Variants in TBXAS1 observed in about 807,000 individuals in gnomAD.
The protein encoded by TBXAS1 is thromboxane A synthase 1.
TBXAS1 carries 48 observed loss-of-function variants against 60.7 expected under a neutral mutation model. The observed-to-expected ratio is 0.79, with a 90% CI of 0.63 to 1.01. The LOEUF is 1.01. Ranked by LOEUF, TBXAS1 falls within the 50% of genes least tolerant of loss-of-function variation. The pLI is 0.00. For synonymous variants in TBXAS1, 287 were observed against 269.7 expected (o/e 1.06, Z -0.63); for missense variants, 685 against 686.3 (o/e 1.00, Z 0.02).
chr7:139,875,746 G>A, intron 3 of TBXAS1, 109 bp downstream of exon 3: 1 of 1,360,152 alleles, frequency 7.4e-7, no homozygotes, highest in African/African-American at 1.4e-5. Flanking sequence ...GATTAGGAAT[G>A]TTGTATGTGT....
At chr7:139,898,858 G>A (rs1031970280) in intron 3 of TBXAS1, among the ~76,000 whole-genome samples, 10 of 152,042 alleles carry the variant, frequency 6.6e-5, no homozygotes, top group Non-Finnish European at 7.4e-5. Context: ...CAAGAAGGTT[G>A]ATTTGCTCAA....
Position 140,005,705 on chromosome 7 carries a change from A to G in TBXAS1, c.1135-1386A>G, listed in dbSNP as rs80062690. ...TGCCACCCTGGCCCTCTAAATTCATAAACAGTCACAGACATGGGATTAAAC... is the reference window on the plus strand; with the variant it reads ...TGCCACCCTGGCCCTCTAAATTCATGAACAGTCACAGACATGGGATTAAAC... On this transcript the variant is annotated intron_variant, in intron 9 of 12. Coordinates refer to ENST00000448866, the MANE Select transcript of TBXAS1 (RefSeq NM_001061.7). Among the ~76,000 whole-genome samples the G allele has an allele frequency of 9.6e-4, 146 of 152,358 alleles. 2 individuals are homozygous for G. In the East Asian group the frequency reaches 0.025, roughly 26 times the overall value.
intron 3 of TBXAS1, among the ~76,000 whole-genome samples, chr7:139,889,906 T>TTG (rs1569508633): frequency 1.3e-5 from 2 of 152,014 alleles, no homozygotes; most frequent in African/African-American, 2.4e-5. Flanking sequence ...TAAGGAGACA[T>TTG]TGGGTGCAAG....
intron 9 of TBXAS1, among the ~76,000 whole-genome samples, chr7:139,969,037 T>C (rs1328543154): frequency 6.6e-6 from 1 of 152,256 alleles, no homozygotes; most frequent in Non-Finnish European, 1.5e-5. Flanking sequence ...TATTGACTTT[T>C]GATCTGGCTA....
rs1666388689 is a variant in TBXAS1 at position 139,941,034 on chromosome 7, A to G, written c.450+4727A>G. The stretch of plus-strand genomic sequence containing the variant: ...AAAAAGTCACAGACACAAAGAGGGA[A>G]ATGAGCCACAGTGTTAGGAGATAGC... On this transcript the variant is annotated intron_variant, in intron 5 of 12. Coordinates refer to ENST00000448866, the MANE Select transcript of TBXAS1 (RefSeq NM_001061.7). Among the ~76,000 whole-genome samples the G allele has an allele frequency of 4.6e-5, 7 of 152,220 alleles. No individual in the cohort carries two copies. The South Asian group carries it at 1.4e-3, about 31-fold the overall frequency.
intron 3 of TBXAS1, chr7:139,906,121 T>C (rs1328162248): frequency 1.0e-5 from 4 of 398,304 alleles, no homozygotes; most frequent in Admixed American, 9.9e-5. Context: ...AGTGGCTTGA[T>C]CTTGGATCAC....
At position 140,020,028 on chromosome 7, in the gene TBXAS1, C is replaced by G. The variant is rs1204652198; in HGVS notation, c.1531C>G (p.Pro511Ala). ...RFQACPETQV[P>A]LQLESKSALG... ...ATTTTAATTTTCTCTATTTTAGGTA[C>G]CGCTGCAGCTAGAATCCAAATCTGC... Residue 511 changes from proline to alanine, a missense_variant, in exon 13 of 13, where the codon CCG becomes GCG. Transcript: ENST00000448866. 6.2e-7 allele frequency: 1 copy of G among 1,613,758 alleles called. No individual in the cohort carries two copies. Among genetic ancestry groups the G allele is most frequent in the South Asian group, 1.1e-5 (1 of 91,066 alleles).
At chr7:139,875,794 C>G in intron 3 of TBXAS1, 157 bp downstream of exon 3, 1 of 961,282 alleles carries the variant, frequency 1.0e-6, no homozygotes, top group Non-Finnish European at 1.6e-6. Flanking sequence ...GGGAGTCCTG[C>G]AGTACAGACA....
chr7:139,823,398 G>A (rs1488145958), intron 4 of TBXAS1, among the ~76,000 whole-genome samples: 3 of 152,020 alleles, frequency 2.0e-5, no homozygotes, highest in African/African-American at 7.2e-5. Flanking sequence ...GAACAGAGGA[G>A]TCCTCCTAAC....
chr7:139,833,353 C>T (rs1313271993), intron 1 of TBXAS1, among the ~76,000 whole-genome samples: 1 of 151,432 alleles, frequency 6.6e-6, no homozygotes, highest in African/African-American at 2.4e-5. Context: ...ATTCTCATAT[C>T]AGACAAAACA....
At chr7:139,952,649 T>C (rs1164578874) in intron 5 of TBXAS1, 1 of 1,537,024 alleles carries the variant, frequency 6.5e-7, no homozygotes, top group East Asian at 2.4e-5. Flanking sequence ...AGCCGAGTGG[T>C]ATCTATGTGA....
intron 6 of TBXAS1, among the ~76,000 whole-genome samples, chr7:139,953,801 C>T (rs777593855): frequency 2.6e-4 from 40 of 152,290 alleles, no homozygotes; most frequent in Non-Finnish European, 4.3e-4. Flanking sequence ...CACCTCAGCC[C>T]AGAAGCTATA....
In TBXAS1 at chr7:139,975,745, T is replaced by C. The variant is rs1456990521; in HGVS notation, c.1134+13512T>C. Reference sequence around the variant, plus strand: ...AGGTCCTGGGTTTGTTGGAGCTTTTTCTCCCTCTTGCCATGTCCTTTTCAC... The same window carrying C: ...AGGTCCTGGGTTTGTTGGAGCTTTTCCTCCCTCTTGCCATGTCCTTTTCAC... On this transcript the variant is annotated intron_variant, in intron 9 of 12. Transcript: ENST00000448866. This position sits in a 1 kb window ranked among gnomAD's most constrained non-coding sequence, Gnocchi z 4.4. Among the ~76,000 whole-genome samples the C allele has an allele frequency of 6.6e-6, 1 of 152,222 alleles. No homozygotes were observed. Among genetic ancestry groups the C allele is most frequent in the African/African-American group, 2.4e-5 (1 of 41,460 alleles).
At chr7:139,839,509 C>G (rs1032159200) in intron 1 of TBXAS1, among the ~76,000 whole-genome samples, 9 of 151,794 alleles carry the variant, frequency 5.9e-5, no homozygotes, top group African/African-American at 2.2e-4. Flanking sequence ...GCTCAGGTAC[C>G]AAGACCCAGA....
chr7:139,810,017 C>T (rs183906782), intron 4 of TBXAS1, among the ~76,000 whole-genome samples: 2 of 152,024 alleles, frequency 1.3e-5, no homozygotes, highest in African/African-American at 4.8e-5. Context: ...CAGGCTTGGT[C>T]ATTTTCAATA....
intron 4 of TBXAS1, among the ~76,000 whole-genome samples, chr7:139,793,750 T>C (rs561123547): frequency 1.3e-5 from 2 of 152,356 alleles, no homozygotes; most frequent in Non-Finnish European, 2.9e-5. Context: ...TGAAAACATT[T>C]ACAAAGTGCT....
chr7:139,845,420 T>C (rs1799731995), intron 1 of TBXAS1, among the ~76,000 whole-genome samples: 1 of 152,072 alleles, frequency 6.6e-6, no homozygotes, highest in South Asian at 2.1e-4. Flanking sequence ...TTTCTTTCCT[T>C]CTACTTGCAT....
At position 139,957,781 on chromosome 7, in the gene TBXAS1, G is replaced by A; in HGVS notation, c.819+17G>A. 1 of 1,613,888 alleles carries A rather than the reference G, an allele frequency of 6.2e-7. No homozygotes were observed. The highest frequency in any genetic ancestry group is 1.6e-4 in the Middle Eastern group (1 of 6,062). On this transcript the variant is annotated intron_variant, in intron 8 of 12. Transcript: ENST00000448866. ...GCCGAAGAGGTAACGTATTTTAATAGGACACAGCCTTGAAATGGAATGGAG... is the reference window on the plus strand; with the variant it reads ...GCCGAAGAGGTAACGTATTTTAATAAGACACAGCCTTGAAATGGAATGGAG...
intron 9 of TBXAS1, among the ~76,000 whole-genome samples, chr7:139,969,602 A>G (rs1386719649): frequency 6.6e-6 from 1 of 152,084 alleles, no homozygotes; most frequent in African/African-American, 2.4e-5. Flanking sequence ...GAAAAAAAAA[A>G]TGTCTTCCCA....
Sources: gnomAD v4.1 joint callset for allele counts (sites outside exome capture counted in the v4.1 genomes callset) on GRCh38, gnomAD v4.1.1 for gene constraint, Gnocchi (gnomAD v3.1) non-coding constraint, MANE v1.5 for transcripts, NCBI Gene and HGNC (gene_info 2026-07-23, HGNC 2026-07-21) for gene names.